Variants in PAAF1 observed in about 807,000 individuals in gnomAD.
PAAF1 encodes the protein proteasomal ATPase-associated factor 1.
In PAAF1, 46 loss-of-function variants were observed where a neutral mutation model predicts 52.8. The observed-to-expected ratio is 0.87, with a 90% CI of 0.69 to 1.11. The LOEUF is 1.11. Ranked by LOEUF, PAAF1 falls within the 50% of genes most tolerant of loss-of-function variation. PAAF1 has a pLI of 0.00. For synonymous variants in PAAF1, 178 were observed against 172.8 expected, an observed-to-expected ratio of 1.03 and a Z score of -0.24; for missense variants, 424 against 477.4, an observed-to-expected ratio of 0.89 and a Z score of 1.04.
intron 4 of PAAF1, among the ~76,000 whole-genome samples, chr11:73,896,577 T>C (rs559823202): frequency 1.4e-3 from 210 of 151,376 alleles, no homozygotes; most frequent in Non-Finnish European, 2.6e-3. Flanking sequence ...CAACCCTGAG[T>C]GGATACAGCA....
chr11:73,882,556 C>T (rs1434194006), intron 2 of PAAF1, among the ~76,000 whole-genome samples: 3 of 151,918 alleles, frequency 2.0e-5, no homozygotes, highest in East Asian at 1.9e-4. Flanking sequence ...AAGCGATTCT[C>T]CTGCCTCAGC....
chr11:73,915,208 T>C (rs1409480208), intron 8 of PAAF1, among the ~76,000 whole-genome samples: 3 of 152,194 alleles, frequency 2.0e-5, no homozygotes, highest in Admixed American at 6.5e-5. Context: ...TAAGTCACTT[T>C]CCCTCTCTGG....
In PAAF1 at chr11:73,914,498, G is replaced by A; in HGVS notation, c.813G>A (p.Arg271=). 6.2e-7 allele frequency: 1 copy of A among 1,613,916 alleles called. No homozygotes were observed. The change falls in exon 8 of 12, where the codon AGG becomes AGA. Residue 271 remains arginine, a synonymous_variant. Coordinates refer to ENST00000310571, the MANE Select transcript of PAAF1 (RefSeq NM_025155.3). ...TTCAGTGCTTGGGACTACAGAGCAGGCAGCTGGCAAGTGGTTCCTATATGA... is the reference window on the plus strand; with the variant it reads ...TTCAGTGCTTGGGACTACAGAGCAGACAGCTGGCAAGTGGTTCCTATATGA... The part of the protein sequence containing the change: ...KKLQCLGLQS[R]QLVFLFIGSD...
chr11:73,916,478 G>T (rs1950066407), intron 8 of PAAF1, 67 bp from the exon 9 acceptor site: 4 of 1,007,702 alleles, frequency 4.0e-6, no homozygotes, highest in Middle Eastern at 2.2e-4. Context: ...TTCCTTTTTT[G>T]GTGCCTGTTT....
At chr11:73,899,083 T>A (rs1949519547) in intron 4 of PAAF1, 63 bp from the exon 5 acceptor site, 1 of 1,323,772 alleles carries the variant, frequency 7.6e-7, no homozygotes, top group East Asian at 2.3e-5. Context: ...GTTTATAACA[T>A]ATTTCAAGGG....
At chr11:73,909,846 AG>A (rs1460271334) in intron 7 of PAAF1, among the ~76,000 whole-genome samples, 4 of 152,250 alleles carry the variant, frequency 2.6e-5, no homozygotes, top group Non-Finnish European at 5.9e-5. Flanking sequence ...CCTATAAAGC[AG>A]GGGTGTCCGA....
At chr11:73,900,708 C>T (rs529514523) in intron 6 of PAAF1, among the ~76,000 whole-genome samples, 1 of 152,184 alleles carries the variant, frequency 6.6e-6, no homozygotes, top group African/African-American at 2.4e-5. Flanking sequence ...TCTGGCCGGG[C>T]GCGGTGGCTC....
chr11:73,880,543 CG>C (rs1948866845), intron 2 of PAAF1: 1 of 149,840 alleles, frequency 6.7e-6, no homozygotes, highest in South Asian at 2.1e-4. Flanking sequence ...AAAAATTAGC[CG>C]GATGTGGTGG....
At position 73,891,195 on chromosome 11, in the gene PAAF1, AAAGAGTGT is replaced by A; in HGVS notation, c.280_282+5del. Reference sequence around the variant, plus strand: ...ATACTACTTTTTCCAGAATTCATACAAAGAGTGTAAGTATTTTGATAAAATGAAGAGAA... The same window carrying A: ...ATACTACTTTTTCCAGAATTCATACAAAGTATTTTGATAAAATGAAGAGAA... On this transcript the variant is annotated splice_donor_variant and coding_sequence_variant, in exon 4 of 12. Transcript: ENST00000310571. LOFTEE classifies it high-confidence loss of function. The A allele has an allele frequency of 5.9e-6, 9 of 1,537,702 alleles. No homozygotes were observed. Among genetic ancestry groups the A allele is most frequent in the Non-Finnish European group, 6.3e-6 (7 of 1,116,616 alleles).
chr11:73,917,278 G>A (rs1009611016), intron 9 of PAAF1, among the ~76,000 whole-genome samples: 3 of 151,962 alleles, frequency 2.0e-5, no homozygotes, highest in Non-Finnish European at 4.4e-5. Flanking sequence ...CTCAGCCTCC[G>A]AAAGTGCTGG....
At chr11:73,877,200 G>C (rs1403578772) in intron 1 of PAAF1, 132 bp downstream of exon 1, 2 of 969,568 alleles carry the variant, frequency 2.1e-6, no homozygotes, top group Non-Finnish European at 2.8e-6. Flanking sequence ...GGAGGGAACA[G>C]GGTCCGGAAA....
chr11:73,902,258 T>C (rs1411143259), intron 6 of PAAF1, among the ~76,000 whole-genome samples: 1 of 152,218 alleles, frequency 6.6e-6, no homozygotes, highest in Non-Finnish European at 1.5e-5. Context: ...ATAAATGGTT[T>C]ACTTCCATGA....
At chr11:73,899,902 A>G (rs1469664883) in intron 5 of PAAF1, among the ~76,000 whole-genome samples, 1 of 152,106 alleles carries the variant, frequency 6.6e-6, no homozygotes, top group Non-Finnish European at 1.5e-5. Context: ...TGAGCCTCCA[A>G]CCTTTACAAA....
At chr11:73,900,476 CTGAAAAGGTAG>C in intron 6 of PAAF1, 56 bp downstream of exon 6, 1 of 1,506,628 alleles carries the variant, frequency 6.6e-7, no homozygotes, top group South Asian at 1.3e-5. Context: ...AAATGAATCA[CTGAAAAGGTAG>C]AAACAAGCTA....
intron 4 of PAAF1, among the ~76,000 whole-genome samples, chr11:73,897,448 G>A (rs955160435): frequency 2.0e-5 from 3 of 151,310 alleles, no homozygotes; most frequent in Non-Finnish European, 4.4e-5. Context: ...GCCAGGCAGA[G>A]GGTCTCCTCA....
intron 10 of PAAF1, among the ~76,000 whole-genome samples, chr11:73,922,695 T>G (rs184774370): frequency 2.3e-3 from 342 of 151,986 alleles, no homozygotes; most frequent in Admixed American, 4.2e-3. Flanking sequence ...CGGGCGCCTG[T>G]AGTCCCAGCT....
chr11:73,886,899 G>A (rs1341467991), intron 2 of PAAF1: 6 of 363,606 alleles, frequency 1.7e-5, no homozygotes, highest in African/African-American at 1.3e-4. Flanking sequence ...GAGAGTGACT[G>A]AGTTCTCACT....
chr11:73,884,882 C>T (rs1355771916), intron 2 of PAAF1, among the ~76,000 whole-genome samples: 26 of 145,876 alleles, frequency 1.8e-4, no homozygotes, highest in East Asian at 6.0e-4. Flanking sequence ...TTTTTTGAGA[C>T]GGAGTCTCGC....
chr11:73,895,955 A>G (rs1050999302), intron 4 of PAAF1, among the ~76,000 whole-genome samples: 16 of 152,178 alleles, frequency 1.1e-4, no homozygotes, highest in African/African-American at 3.6e-4. Context: ...AAAAAAAGTT[A>G]AAAAATTAGC....
Sources: gnomAD v4.1 joint callset for allele counts (sites outside exome capture counted in the v4.1 genomes callset) on GRCh38, gnomAD v4.1.1 for gene constraint, MANE v1.5 for transcripts, NCBI Gene and HGNC (gene_info 2026-07-23, HGNC 2026-07-21) for gene names.